Variants in TOP3A observed in about 807,000 individuals in gnomAD.
TOP3A encodes DNA topoisomerase III alpha, also known as DNA topoisomerase 3-alpha.
Under a neutral mutation model 111.3 loss-of-function variants are expected in TOP3A, and 64 were observed. That is an observed-to-expected ratio of 0.57 (90% CI 0.47 to 0.71). The LOEUF (loss-of-function observed/expected upper bound fraction) is 0.71. Among genes scored for constraint, TOP3A ranks in the 30% least tolerant of loss-of-function variants. The pLI is 0.00. For missense variants in TOP3A, 1,104 were observed against 1,285.0 expected (o/e 0.86, Z 2.15); for synonymous variants, 484 against 485.1 (o/e 1.00, Z 0.03).
Position 18,285,421 on chromosome 17 carries a change from A to G in TOP3A, c.1697T>C (p.Met566Thr), listed in dbSNP as rs779655421. The change falls in exon 14 of 19, where the codon ATG (methionine) becomes ACG (threonine). Residue 566 changes from methionine (M) to threonine (T), a missense_variant. Physicochemically the swap from Met to Thr is moderately conservative, Grantham distance 81 (BLOSUM62 -1). Coordinates refer to ENST00000321105, the MANE Select transcript of TOP3A (RefSeq NM_004618.5). ...TCCTCCCTTACCTTCCACAAGTCCCATGCCCAGGTGCCCAGGGAGGAACCG... is the reference window on the plus strand; with the variant it reads ...TCCTCCCTTACCTTCCACAAGTCCCGTGCCCAGGTGCCCAGGGAGGAACCG... ...DKRFLPGHLG[M>T]GLVEGYDSMG... is the part of the protein sequence containing the mutation. 1 of 1,613,986 alleles carries G rather than the reference A, an allele frequency of 6.2e-7. No homozygotes were observed. Among genetic ancestry groups the G allele is most frequent in the Non-Finnish European group, 8.5e-7 (1 of 1,179,980 alleles).
At chr17:18,282,998 G>A (rs1470412957) in intron 15 of TOP3A, among the ~76,000 whole-genome samples, 157 bp from the exon 16 acceptor site, 1 of 152,208 alleles carries the variant, frequency 6.6e-6, no homozygotes, top group Non-Finnish European at 1.5e-5. Flanking sequence ...AGAAGACTGA[G>A]CTCACCATGG....
At position 18,307,080 on chromosome 17, in the gene TOP3A, C is replaced by T. The variant is rs1981623902; in HGVS notation, c.315-114G>A. 11 of 693,330 alleles carry T rather than the reference C, an allele frequency of 1.6e-5. No individual in the cohort carries two copies. In the South Asian group the frequency reaches 1.6e-4, roughly 10 times the overall value. The allele number at this position is 693,330 out of a possible 1,614,324, so 42.9% of individuals were successfully genotyped here. A position where few individuals can be genotyped will look rare whatever the true frequency, so the allele number is the denominator to read the frequency against. On this transcript the variant is annotated intron_variant, in intron 3 of 18. Coordinates refer to ENST00000321105, the MANE Select transcript of TOP3A (RefSeq NM_004618.5). ...TGGTGTATCCCCAAAAGAAAAGGTCCCGGTGAATTGAAAGTAAGGCTATGA... is the reference window on the plus strand; with the variant it reads ...TGGTGTATCCCCAAAAGAAAAGGTCTCGGTGAATTGAAAGTAAGGCTATGA...
chr17:18,285,504 A>G lies in TOP3A; in HGVS notation c.1614T>C (p.His538=), dbSNP rs146672820. 5.1e-4 allele frequency: 817 copies of G among 1,613,894 alleles called. 1 individual carries two copies. In the Middle Eastern group the frequency reaches 5.9e-3, roughly 12 times the overall value. The change falls in exon 14 of 19, where the codon CAT becomes CAC. Residue 538 remains histidine (H), a synonymous_variant. Coordinates refer to ENST00000321105, the MANE Select transcript of TOP3A (RefSeq NM_004618.5). ...CTTTGATGGTCTCGATGTGCTCCGC[A>G]TGAGTGGCATCCGTACCTGGAAGCC... is the stretch of plus-strand genomic sequence containing the variant. The part of the protein sequence containing the change: ...EKHGIGTDAT[H]AEHIETIKAR...
At chr17:18,309,036 C>T in intron 1 of TOP3A, 95 bp from the exon 2 acceptor site, 2 of 690,322 alleles carry the variant, frequency 2.9e-6, no homozygotes, top group South Asian at 5.2e-5. Flanking sequence ...GCAATGATTT[C>T]TTGGTTATGA....
At position 18,302,209 on chromosome 17, in the gene TOP3A, C is replaced by T; in HGVS notation, c.814+55G>A. 2.6e-6 allele frequency: 4 copies of T among 1,544,752 alleles called. No individual in the cohort carries two copies. In the South Asian group the frequency reaches 3.7e-5, roughly 14 times the overall value. ...AGTGCTATTAATGCTCACAGTCCCC[C>T]TCCTTAACCTTGAGCCCATAGGTCC... On this transcript the variant is annotated intron_variant, in intron 7 of 18. Transcript: ENST00000321105.
chr17:18,297,331 A>G (rs1467548637), intron 9 of TOP3A, among the ~76,000 whole-genome samples: 1 of 152,222 alleles, frequency 6.6e-6, no homozygotes, highest in Admixed American at 6.5e-5. Context: ...AGGCTGAGGC[A>G]GGAGAATCAC....
chr17:18,285,135 GACTT>G lies in TOP3A; in HGVS notation c.1877+3_1877+6del. 6.2e-7 allele frequency: 1 copy of G among 1,612,964 alleles called. No homozygotes were observed. ...GAGACCCCTCTGTATTTCTTTTAAG[GACTT>G]ACTTCTTTGCTTTAGCCACCGCTTC... is the stretch of plus-strand genomic sequence containing the variant. On this transcript the variant is annotated splice_donor_5th_base_variant and intron_variant, in intron 15 of 18. Coordinates refer to ENST00000321105, the MANE Select transcript of TOP3A (RefSeq NM_004618.5).
chr17:18,282,599 T>G, intron 16 of TOP3A, 99 bp downstream of exon 16: 2 of 1,546,920 alleles, frequency 1.3e-6, no homozygotes, highest in Admixed American at 1.8e-5. Flanking sequence ...AGGCCTGTCT[T>G]GAAAGATTCC....
chr17:18,282,644 C>G (rs1054438573), intron 16 of TOP3A, 54 bp downstream of exon 16: 18 of 1,607,146 alleles, frequency 1.1e-5, no homozygotes, highest in Non-Finnish European at 1.4e-5. Flanking sequence ...CGAGCTACGG[C>G]TGACACCGCA....
At position 18,314,725 on chromosome 17, in the gene TOP3A, G is replaced by C; in HGVS notation, c.54C>G (p.Asp18Glu). Reference protein sequence around the residue: ...YALRWLRRPEDRAFSRAAMEM... With the variant: ...YALRWLRRPEERAFSRAAMEM... ...CCATGGCGGCGCGGGAAAAGGCACG[G>C]TCTTCGGGCCGTCGCAGCCACCGGA... Residue 18 changes from aspartate (D) to glutamate (E), a missense_variant, in exon 1 of 19, where the codon GAC (aspartate) becomes GAG (glutamate). Coordinates refer to ENST00000321105, the MANE Select transcript of TOP3A (RefSeq NM_004618.5). 1 of 1,594,168 alleles carries C rather than the reference G, an allele frequency of 6.3e-7. No individual in the cohort carries two copies. Among genetic ancestry groups the C allele is most frequent in the Non-Finnish European group, 8.5e-7 (1 of 1,170,908 alleles).
In TOP3A at chr17:18,273,721, T is replaced by C. The variant is rs1466421343; in HGVS notation, c.*1081A>G. Among the ~76,000 whole-genome samples, 1 of 152,160 alleles carries C rather than the reference T, an allele frequency of 6.6e-6. No individual in the cohort carries two copies. Among genetic ancestry groups the C allele is most frequent in the African/African-American group, 2.4e-5 (1 of 41,436 alleles). On this transcript the variant is annotated 3_prime_UTR_variant, in exon 19 of 19. Transcript: ENST00000321105. ...CATGGCTTGCTGCAGCCTCAAACTC[T>C]TGGGTTCAAAGGATCCTCCCACTTC...
chr17:18,294,629 A>T, intron 10 of TOP3A, 74 bp downstream of exon 10: 1 of 1,239,180 alleles, frequency 8.1e-7, no homozygotes, highest in South Asian at 1.2e-5. Context: ...TGCCCAACCC[A>T]TAAACTCTAT....
Position 18,285,291 on chromosome 17 carries a change from G to T in TOP3A, c.1728C>A (p.Gly576=). The part of the protein sequence containing the change: ...MGLVEGYDSM[G]YEMSKPDLRA... ...GGAGGTCAGGCTTAGACATTTCATA[G>T]CCCATGGAATCATAACCTGCAGGGA... The change falls in exon 15 of 19, where the codon GGC becomes GGA. Residue 576 remains glycine (G), a synonymous_variant. Coordinates refer to ENST00000321105, the MANE Select transcript of TOP3A (RefSeq NM_004618.5). The T allele has an allele frequency of 6.2e-7, 1 of 1,614,132 alleles. No individual in the cohort carries two copies. The highest frequency in any genetic ancestry group is 8.5e-7 in the Non-Finnish European group (1 of 1,180,046).
chr17:18,301,934 C>T lies in TOP3A; in HGVS notation c.866G>A (p.Arg289Gln), dbSNP rs770769662. 16 of 1,614,026 alleles carry T rather than the reference C, an allele frequency of 9.9e-6. No individual in the cohort carries two copies. The highest frequency in any genetic ancestry group is 1.3e-5 in the Non-Finnish European group (15 of 1,180,042). The change falls in exon 8 of 19, where the codon CGA becomes CAA. Residue 289 changes from arginine (R) to glutamine (Q), a missense_variant. Coordinates refer to ENST00000321105, the MANE Select transcript of TOP3A (RefSeq NM_004618.5). ...TAGGCAAGCCGTGTGGTTAAAGAGT[C>T]GATGCCTTTTCCAGTTGAATTCTAC... is the stretch of plus-strand genomic sequence containing the variant. ...GIVEFNWKRH[R>Q]LFNHTACLVL...
Position 18,314,817 on chromosome 17 carries a change from G to A in TOP3A, c.-39C>T. On this transcript the variant is annotated 5_prime_UTR_variant, in exon 1 of 19. Transcript: ENST00000321105. ...GCCCGGAGCCGCTCCCCGGCTGCCG[G>A]CGCATCCTGGGGAAGCCAGAGATGA... The A allele has an allele frequency of 6.8e-7, 1 of 1,475,370 alleles. No homozygotes were observed. Among genetic ancestry groups the A allele is most frequent in the Non-Finnish European group, 9.0e-7 (1 of 1,110,486 alleles). The allele number at this position is 1,475,370 out of a possible 1,614,324, so 91.4% of individuals were successfully genotyped here.
Position 18,306,948 on chromosome 17 carries a change from A to G in TOP3A, c.333T>C (p.Leu111=). 6.2e-7 allele frequency: 1 copy of G among 1,613,830 alleles called. No individual in the cohort carries two copies. Among genetic ancestry groups the G allele is most frequent in the Non-Finnish European group, 8.5e-7 (1 of 1,179,846 alleles). ...QFRKWQSCNP[L]VLFEAEIEKY... ...TTTCAATTTCTGCTTCAAAGAGGAC[A>G]AGAGGGTTGCAGCTCTGCCTAGAAA... is the stretch of plus-strand genomic sequence containing the variant. Residue 111 remains leucine (L), a synonymous_variant, in exon 4 of 19, where the codon CTT becomes CTC. Coordinates refer to ENST00000321105, the MANE Select transcript of TOP3A (RefSeq NM_004618.5).
chr17:18,305,699 A>G (rs1262553116), intron 4 of TOP3A, among the ~76,000 whole-genome samples: 1 of 151,996 alleles, frequency 6.6e-6, no homozygotes, highest in South Asian at 2.1e-4. Context: ...TTAGCCGGGC[A>G]TGGTGGCAGG....
rs1981248676 is a variant in TOP3A, at chr17:18,301,882, T to C, written c.915+3A>G. On this transcript the variant is annotated splice_donor_region_variant and intron_variant, in intron 8 of 18. Transcript: ENST00000321105. ...TGTTTCCTAGATCATTAGGGGTTCT[T>C]ACCTCCACACACAACTGATAGAGAA... 1.9e-6 allele frequency: 3 copies of C among 1,613,330 alleles called. No individual in the cohort carries two copies. The South Asian group carries it at 3.3e-5, about 18-fold the overall frequency.
rs188506050 is a variant in TOP3A at position 18,313,066 on chromosome 17, C to T, written c.180+1533G>A. 37 of 152,538 alleles carry T rather than the reference C, an allele frequency of 2.4e-4. 1 individual carries two copies. Among genetic ancestry groups the T allele is most frequent in the African/African-American group, 8.7e-4 (36 of 41,570 alleles). 9.4% of individuals were successfully genotyped at this position (152,538 alleles called of 1,614,324 possible). ...CGGAGGTTGCAGTGAGCTGAGATCA[C>T]ACCATTGCACTCCAGGCTGGGCAAC... On this transcript the variant is annotated intron_variant, in intron 1 of 18. Transcript: ENST00000321105.
Sources: allele counts gnomAD v4.1 joint callset (sites outside exome capture counted in the v4.1 genomes callset), GRCh38; gene constraint gnomAD v4.1.1; transcripts MANE v1.5; gene names NCBI Gene and HGNC (gene_info 2026-07-23, HGNC 2026-07-21).